FRMPD4: variants seen among roughly 807,000 people sequenced by gnomAD.
FRMPD4 encodes the protein FERM and PDZ domain-containing protein 4.
FRMPD4 carries 22 observed loss-of-function variants against 94.1 expected under a neutral mutation model. That is an observed-to-expected ratio of 0.23 (90% CI 0.17 to 0.33). The LOEUF (loss-of-function observed/expected upper bound fraction) is 0.33. Ranked by LOEUF, FRMPD4 falls within the 10% of genes least tolerant of loss-of-function variation. The probability of loss-of-function intolerance (pLI) is 1.00; values close to 1 mark genes in which losing one functional copy is unlikely to be tolerated. For synonymous variants in FRMPD4, 631 were observed against 548.6 expected (o/e 1.15, Z -2.10); for missense variants, 1,111 against 1,339.9 (o/e 0.83, Z 2.67).
chrX:12,494,370 T>C (rs1178889454), intron 1 of FRMPD4, among the ~76,000 whole-genome samples: 1 of 111,682 alleles, frequency 9.0e-6, no homozygotes, highest in Non-Finnish European at 1.9e-5. Flanking sequence ...GGGGGCAAAA[T>C]CACCCCAGAT....
intron 2 of FRMPD4, among the ~76,000 whole-genome samples, chrX:12,500,395 A>G (rs1379258860): frequency 1.8e-5 from 2 of 111,760 alleles, no homozygotes; most frequent in Admixed American, 9.5e-5. Flanking sequence ...ACAAGTGAGG[A>G]TTGTTGGAAA....
At chrX:12,165,137 T>C (rs1434055373) in intron 1 of FRMPD4, among the ~76,000 whole-genome samples, 1 of 111,801 alleles carries the variant, frequency 8.9e-6, no homozygotes, top group East Asian at 2.8e-4. Context: ...GCCTATGTCC[T>C]GAATGGTATT....
chrX:11,943,857 C>A (rs2054175339), intron 3 of FRMPD4, among the ~76,000 whole-genome samples: 1 of 111,952 alleles, frequency 8.9e-6, no homozygotes, highest in Non-Finnish European at 1.9e-5. Context: ...ACTCCATCTT[C>A]TCCCCAACTC....
intron 1 of FRMPD4, among the ~76,000 whole-genome samples, chrX:12,277,783 T>C (rs771864489): frequency 1.3e-3 from 145 of 112,490 alleles, no homozygotes; most frequent in African/African-American, 4.5e-3. Flanking sequence ...ATTTTACTTT[T>C]ACTGTCTTCA....
chrX:12,527,794 C>T (rs2058241545), intron 2 of FRMPD4, among the ~76,000 whole-genome samples: 1 of 112,103 alleles, frequency 8.9e-6, no homozygotes, highest in African/African-American at 3.2e-5. Context: ...GTGAAACTTT[C>T]TTACAGAGAT....
At chrX:12,342,116 C>T (rs759139673) in intron 1 of FRMPD4, among the ~76,000 whole-genome samples, 10 of 111,905 alleles carry the variant, frequency 8.9e-5, no homozygotes, top group Non-Finnish European at 1.7e-4. Context: ...GATGTTTATT[C>T]GTTCAACAAA....
chrX:12,423,255 A>G (rs139409859), intron 1 of FRMPD4, among the ~76,000 whole-genome samples: 2,089 of 110,547 alleles, frequency 0.019, 21 homozygotes, highest in Non-Finnish European at 0.029. Flanking sequence ...ATAAATAAAT[A>G]AATAAAAAAT....
At chrX:11,840,262 T>A (rs1223474233) in intron 1 of FRMPD4, among the ~76,000 whole-genome samples, 1 of 111,685 alleles carries the variant, frequency 9.0e-6, no homozygotes, top group Non-Finnish European at 1.9e-5. Context: ...TGTTTTGTAG[T>A]TTTCAGTGTA....
rs768888757 is a variant in FRMPD4, at chrX:12,648,714, T to G, written c.423-26149T>G. Among the ~76,000 whole-genome samples, 129 of 112,363 alleles carry G rather than the reference T, an allele frequency of 1.1e-3. 2 individuals are homozygous for G. The highest frequency in any genetic ancestry group is 4.1e-3 in the African/African-American group (127 of 30,926). ...ACAACATGTATCTTTATTGGGCAGC[T>G]GTAAGGAACAAATAGAGAAAAGCAA... On this transcript the variant is annotated intron_variant, in intron 4 of 16. Transcript: ENST00000675598.
intron 4 of FRMPD4, among the ~76,000 whole-genome samples, chrX:12,630,756 G>T (rs1173747780): frequency 8.9e-6 from 1 of 111,752 alleles, no homozygotes; most frequent in African/African-American, 3.3e-5. Context: ...ACACAATGTT[G>T]TCACTATTTG....
intron 1 of FRMPD4, among the ~76,000 whole-genome samples, chrX:12,218,905 GT>G (rs2056835460): frequency 8.9e-6 from 1 of 112,211 alleles, no homozygotes; most frequent in Non-Finnish European, 1.9e-5. Flanking sequence ...TTTATGATGG[GT>G]TTTTAGTAAA....
chrX:12,530,926 T>C (rs1347904464), intron 2 of FRMPD4, among the ~76,000 whole-genome samples: 1 of 111,351 alleles, frequency 9.0e-6, no homozygotes, highest in Non-Finnish European at 1.9e-5. Context: ...GATGTGTGGA[T>C]GGATGTATGG....
intron 3 of FRMPD4, among the ~76,000 whole-genome samples, chrX:12,091,501 A>G (rs968561218): frequency 7.1e-5 from 8 of 112,390 alleles, no homozygotes; most frequent in African/African-American, 2.6e-4. Context: ...GATTTGACCT[A>G]TTGGCCATGG....
At chrX:12,214,900 C>T (rs1450714610) in intron 1 of FRMPD4, among the ~76,000 whole-genome samples, 1 of 111,784 alleles carries the variant, frequency 8.9e-6, no homozygotes, top group African/African-American at 3.2e-5. Context: ...CTTCTTTTTA[C>T]ATAGCAATTA....
intron 3 of FRMPD4, among the ~76,000 whole-genome samples, chrX:11,992,706 G>A (rs1214210766): frequency 2.7e-5 from 3 of 111,632 alleles, no homozygotes; most frequent in Non-Finnish European, 5.7e-5. Flanking sequence ...TTTACTTAGA[G>A]GGCGAAGAAA....
chrX:12,260,621 T>C (rs1336054039), intron 1 of FRMPD4, among the ~76,000 whole-genome samples: 1 of 112,216 alleles, frequency 8.9e-6, no homozygotes, highest in Non-Finnish European at 1.9e-5. Context: ...TCTGAAATGC[T>C]AGCTGTGTGC....
chrX:11,985,050 A>T (rs2147391631), intron 3 of FRMPD4, among the ~76,000 whole-genome samples: 1 of 112,239 alleles, frequency 8.9e-6, no homozygotes, highest in Non-Finnish European at 1.9e-5. Context: ...AGGTGGAGCA[A>T]GATGGACAAA....
chrX:11,885,649 A>G lies in FRMPD4; in HGVS notation c.95+7631A>G, dbSNP rs750004951. ...CCAATAAAATTAGGACTCTTTTCCTAGTGCCGTATAGACCTGAGGTGTTAC... is the reference window on the plus strand; with the variant it reads ...CCAATAAAATTAGGACTCTTTTCCTGGTGCCGTATAGACCTGAGGTGTTAC... On this transcript the variant is annotated intron_variant, in intron 3 of 18. Coordinates refer to the FRMPD4 transcript ENST00000640291. Among the ~76,000 whole-genome samples the G allele has an allele frequency of 4.5e-5, 5 of 111,349 alleles. No individual in the cohort carries two copies. The East Asian group carries it at 1.4e-3, about 31-fold the overall frequency.
intron 2 of FRMPD4, among the ~76,000 whole-genome samples, chrX:12,548,676 A>G (rs888361188): frequency 8.9e-5 from 10 of 112,026 alleles, no homozygotes; most frequent in Non-Finnish European, 1.5e-4. Flanking sequence ...TTAAATGAGA[A>G]TATTCTTGGA....
Sources: gnomAD v4.1 joint callset for allele counts (sites outside exome capture counted in the v4.1 genomes callset) on GRCh38, gnomAD v4.1.1 for gene constraint, MANE v1.5 for transcripts, NCBI Gene and HGNC (gene_info 2026-07-23, HGNC 2026-07-21) for gene names.